The following HS3ST2 variants were observed in gnomAD, a reference collection of about 807,000 sequenced individuals.
HS3ST2 encodes heparan sulfate glucosamine 3-O-sulfotransferase 2.
In HS3ST2, 17 loss-of-function variants were observed where a neutral mutation model predicts 26.3. The ratio of observed to expected loss-of-function variants is 0.65; its 90% CI spans 0.44 to 0.97. The LOEUF is 0.97. Among genes scored for constraint, HS3ST2 ranks in the 50% least tolerant of loss-of-function variants. The pLI is 0.00. For missense variants in HS3ST2, 402 were observed against 501.2 expected (o/e 0.80, Z 1.89); for synonymous variants, 237 against 219.2 (o/e 1.08, Z -0.72).
Position 22,862,348 on chromosome 16 carries a change from G to T in HS3ST2, c.485+47253G>T, listed in dbSNP as rs78690062. ...ACCAGTAGACTGTGGGCTAGTTGGA[G>T]CCTGTGGATCTGTTGAAGTGGTTTG... On this transcript the variant is annotated intron_variant, in intron 1 of 1. Transcript: ENST00000261374. Among the ~76,000 whole-genome samples, 543 of 151,242 alleles carry T rather than the reference G, an allele frequency of 3.6e-3. 15 individuals carry two copies. The highest frequency in any genetic ancestry group is 0.032 in the East Asian group (162 of 5,140).
chr16:22,869,682 G>C (rs906423202), intron 1 of HS3ST2, among the ~76,000 whole-genome samples: 11 of 152,138 alleles, frequency 7.2e-5, no homozygotes, highest in Admixed American at 6.5e-5. Context: ...GAACAGCGCA[G>C]GAAAGACCCG....
At chr16:22,845,912 A>G (rs1476921029) in intron 1 of HS3ST2, among the ~76,000 whole-genome samples, 1 of 152,224 alleles carries the variant, frequency 6.6e-6, no homozygotes, top group African/African-American at 2.4e-5. Flanking sequence ...AGATGGGAAG[A>G]CAGGAGTTGA....
At chr16:22,831,609 A>G (rs947848325) in intron 1 of HS3ST2, among the ~76,000 whole-genome samples, 2 of 150,194 alleles carry the variant, frequency 1.3e-5, no homozygotes, top group Admixed American at 6.6e-5. Context: ...TTTTTTTACA[A>G]TCTCAGTTTA....
At chr16:22,830,706 G>A (rs1901156099) in intron 1 of HS3ST2, among the ~76,000 whole-genome samples, 1 of 152,178 alleles carries the variant, frequency 6.6e-6, no homozygotes, top group African/African-American at 2.4e-5. Context: ...GGGCCAACCT[G>A]TCTACAACCT....
At position 22,844,008 on chromosome 16, in the gene HS3ST2, T is replaced by TACAC. The variant is rs71876208; in HGVS notation, c.485+28938_485+28941dup. 4.2e-3 allele frequency among the ~76,000 whole-genome samples: 618 copies of TACAC among 148,520 alleles called. 2 individuals carry two copies. The highest frequency in any genetic ancestry group is 0.014 in the South Asian group (67 of 4,642). On this transcript the variant is annotated intron_variant, in intron 1 of 1. Transcript: ENST00000261374. ...GAACTGGGAATTGTGGATGAAAACCTACACACACACACACACACACACACA... is the reference window on the plus strand; with the variant it reads ...GAACTGGGAATTGTGGATGAAAACCTACACACACACACACACACACACACACACA...
chr16:22,868,923 A>G (rs1363645880), intron 1 of HS3ST2, among the ~76,000 whole-genome samples: 1 of 152,050 alleles, frequency 6.6e-6, no homozygotes, highest in Non-Finnish European at 1.5e-5. Flanking sequence ...CCATTAATGA[A>G]GCAGCAGTTT....
intron 1 of HS3ST2, among the ~76,000 whole-genome samples, chr16:22,858,395 A>G (rs1409971305): frequency 6.6e-6 from 1 of 151,684 alleles, no homozygotes; most frequent in Non-Finnish European, 1.5e-5. Context: ...ATGTACAAGC[A>G]TGCATGTTTT....
intron 1 of HS3ST2, among the ~76,000 whole-genome samples, chr16:22,903,061 TAA>T (rs1323189749): frequency 1.3e-5 from 2 of 152,214 alleles, no homozygotes; most frequent in Admixed American, 6.5e-5. Context: ...TATTTTTTTT[TAA>T]GAGTCTAACT....
intron 1 of HS3ST2, among the ~76,000 whole-genome samples, chr16:22,856,276 G>A (rs529370357): frequency 1.3e-5 from 2 of 152,140 alleles, no homozygotes; most frequent in African/African-American, 2.4e-5. Flanking sequence ...TCCAGCAGAC[G>A]GAAGAAGGGT....
rs140526711 is a variant in HS3ST2 at position 22,814,973 on chromosome 16, C to G, written c.363C>G (p.Gly121=). The G allele has an allele frequency of 6.2e-7, 1 of 1,612,780 alleles. No homozygotes were observed. Among genetic ancestry groups the G allele is most frequent in the Non-Finnish European group, 8.5e-7 (1 of 1,179,864 alleles). ...GGTTGCCCCAAGCCCTCATTGTGGG[C>G]GTGAAGAAGGGGGGCACCCGGGCCG... ...TKRLPQALIV[G]VKKGGTRAVL... Residue 121 remains glycine (G), a synonymous_variant, in exon 1 of 2, where the codon GGC becomes GGG. Coordinates refer to ENST00000261374, the MANE Select transcript of HS3ST2 (RefSeq NM_006043.2).
At chr16:22,819,161 T>TTCCC (rs1900951476) in intron 1 of HS3ST2, among the ~76,000 whole-genome samples, 1 of 98,998 alleles carries the variant, frequency 1.0e-5, no homozygotes. Context: ...CCTTCCCTCC[T>TTCCC]TCCTTCCTTC....
intron 1 of HS3ST2, 140 bp downstream of exon 1, chr16:22,815,235 T>C: frequency 8.8e-7 from 1 of 1,140,988 alleles, no homozygotes; most frequent in Non-Finnish European, 1.2e-6. Flanking sequence ...CATGGGGGGC[T>C]ATAGCAGAAT....
At chr16:22,912,646 T>G (rs1902437342) in intron 1 of HS3ST2, among the ~76,000 whole-genome samples, 1 of 152,178 alleles carries the variant, frequency 6.6e-6, no homozygotes, top group South Asian at 2.1e-4. Context: ...ATAGGCAGTG[T>G]ATCCAGTGTA....
chr16:22,852,715 G>A (rs1481292437), intron 1 of HS3ST2, among the ~76,000 whole-genome samples: 1 of 152,144 alleles, frequency 6.6e-6, no homozygotes, highest in African/African-American at 2.4e-5. Flanking sequence ...TTCTCCTGCA[G>A]AAAAGCTCAG....
rs556257646 is a variant in HS3ST2 at position 22,877,278 on chromosome 16, G to A, written c.486-37666G>A. 2.8e-4 allele frequency among the ~76,000 whole-genome samples: 42 copies of A among 152,314 alleles called. 3 individuals carry two copies. In the East Asian group the frequency reaches 3.3e-3, roughly 12 times the overall value. ...GCAGGCATTCCCCAAAGAGCCTTCT[G>A]TCTGCATGGATGGCACAGAGGAGCA... On this transcript the variant is annotated intron_variant, in intron 1 of 1. Transcript: ENST00000261374.
At chr16:22,847,660 A>T (rs969160293) in intron 1 of HS3ST2, among the ~76,000 whole-genome samples, 1 of 152,030 alleles carries the variant, frequency 6.6e-6, no homozygotes, top group East Asian at 1.9e-4. Context: ...GTTAATACAT[A>T]TATTTTTTAA....
intron 1 of HS3ST2, among the ~76,000 whole-genome samples, chr16:22,881,385 C>T: frequency 6.6e-6 from 1 of 152,176 alleles, no homozygotes; most frequent in South Asian, 2.1e-4. Flanking sequence ...TCCACATGGT[C>T]ACCTCAGGCT....
intron 1 of HS3ST2, among the ~76,000 whole-genome samples, chr16:22,844,667 G>A: frequency 6.6e-6 from 1 of 152,080 alleles, no homozygotes; most frequent in Non-Finnish European, 1.5e-5. Flanking sequence ...ATCTGGTTAA[G>A]TGTGTGTAGC....
At chr16:22,819,144 C>T (rs1900950737) in intron 1 of HS3ST2, among the ~76,000 whole-genome samples, 1 of 106,526 alleles carries the variant, frequency 9.4e-6, no homozygotes, top group Non-Finnish European at 1.9e-5. Context: ...TCCTTCCTTC[C>T]TTCCTTCCTT....
Sources: allele counts gnomAD v4.1 joint callset (sites outside exome capture counted in the v4.1 genomes callset), GRCh38; gene constraint gnomAD v4.1.1; transcripts MANE v1.5; gene names NCBI Gene and HGNC (gene_info 2026-07-23, HGNC 2026-07-21).